FBN1: variants seen among roughly 807,000 people sequenced by gnomAD.
FBN1 encodes the protein fibrillin-1.
A neutral mutation model predicts 365.1 loss-of-function variants in FBN1; 29 were observed. That is an observed-to-expected ratio of 0.08 (90% CI 0.06 to 0.11). The LOEUF (loss-of-function observed/expected upper bound fraction) is 0.11, where lower values mean the gene tolerates loss of function less well. FBN1 is among the 10% of genes least tolerant of loss of function. The pLI is 1.00. For missense variants in FBN1, 2,476 were observed against 3,703.2 expected, an observed-to-expected ratio of 0.67 and a Z score of 8.60; for synonymous variants, 1,210 against 1,270.5, an observed-to-expected ratio of 0.95 and a Z score of 1.01.
At chr15:48,444,238 T>C (rs1470311385) in intron 49 of FBN1, among the ~76,000 whole-genome samples, 3 of 152,136 alleles carry the variant, frequency 2.0e-5, no homozygotes, top group African/African-American at 7.2e-5. Flanking sequence ...ACTTAAAAAA[T>C]GTAGTTCGGA....
Position 48,446,842 on chromosome 15 carries a change from T to A in FBN1, c.5672-20A>T. ...TTATGTCTAGTAGGAAGAAAGGCCA[T>A]AAAGAAACATAATTATAAGTAGAAA... On this transcript the variant is annotated intron_variant, in intron 46 of 65. Transcript: ENST00000316623. The A allele has an allele frequency of 6.8e-7, 1 of 1,475,266 alleles. No individual in the cohort carries two copies. Among genetic ancestry groups the A allele is most frequent in the East Asian group, 2.3e-5 (1 of 44,174 alleles). The allele number at this position is 1,475,266 out of a possible 1,614,324, so 91.4% of individuals were successfully genotyped here.
chr15:48,589,758 T>A (rs1435183126), intron 6 of FBN1, among the ~76,000 whole-genome samples: 3 of 151,848 alleles, frequency 2.0e-5, no homozygotes, highest in Non-Finnish European at 4.4e-5. Flanking sequence ...GGACTATAGG[T>A]GCCCACCACC....
intron 6 of FBN1, among the ~76,000 whole-genome samples, chr15:48,568,609 G>A (rs996391386): frequency 2.0e-5 from 3 of 152,028 alleles, no homozygotes; most frequent in Admixed American, 2.0e-4. Context: ...CAAAGCAACA[G>A]TAATCAAGAG....
chr15:48,441,904 C>A lies in FBN1; in HGVS notation c.6038-58G>T, dbSNP rs377058318. 8.8e-6 allele frequency: 14 copies of A among 1,591,330 alleles called. No individual in the cohort carries two copies. The East Asian group carries it at 1.1e-4, about 13-fold the overall frequency. On this transcript the variant is annotated intron_variant, in intron 49 of 65. Coordinates refer to ENST00000316623, the MANE Select transcript of FBN1 (RefSeq NM_000138.5). ...AACACGATGGAGACATCATCAGGTA[C>A]CAAACACACAATGTGGACACACAAA...
chr15:48,588,641 A>C (rs190941992), intron 6 of FBN1, among the ~76,000 whole-genome samples: 1 of 152,352 alleles, frequency 6.6e-6, no homozygotes, highest in African/African-American at 2.4e-5. Flanking sequence ...AACAGATGCC[A>C]CATTCTAAGT....
At chr15:48,531,349 C>T (rs1597590192) in intron 8 of FBN1, among the ~76,000 whole-genome samples, 2 of 152,034 alleles carry the variant, frequency 1.3e-5, no homozygotes, top group East Asian at 3.9e-4. Context: ...GAAAGCAACT[C>T]GAATAATGGC....
rs564421099 is a variant in FBN1 at position 48,483,236 on chromosome 15, T to C, written c.3838+582A>G. 2.6e-5 allele frequency among the ~76,000 whole-genome samples: 4 copies of C among 152,314 alleles called. No homozygotes were observed. The South Asian group carries it at 8.3e-4, about 32-fold the overall frequency. On this transcript the variant is annotated intron_variant, in intron 31 of 65. Coordinates refer to ENST00000316623, the MANE Select transcript of FBN1 (RefSeq NM_000138.5). ...TAAAAGTTGTTATAACTGTATTCCA[T>C]GTGTTCAAACAGCTAGAGGAATGAT...
intron 2 of FBN1, among the ~76,000 whole-genome samples, chr15:48,621,383 G>C (rs1351525646): frequency 6.6e-6 from 1 of 152,132 alleles, no homozygotes; most frequent in South Asian, 2.1e-4. Flanking sequence ...AATATTATGT[G>C]ATAAAAATGG....
chr15:48,613,129 AAAGAAG>A lies in FBN1; in HGVS notation c.165-43_165-38del, dbSNP rs386134232. 1.1e-5 allele frequency: 16 copies of A among 1,511,140 alleles called. No individual in the cohort carries two copies. The East Asian group carries it at 3.6e-4, about 34-fold the overall frequency. The allele number at this position is 1,511,140 out of a possible 1,614,324, so 93.6% of individuals were successfully genotyped here. A position where few individuals can be genotyped will look rare whatever the true frequency, so the allele number is the denominator to read the frequency against. ...ACAGAAGAATTCCATACTTTAAAAA[AAAGAAG>A]AAGAGGAAGAGATGGCCAAATAAAA... is the stretch of plus-strand genomic sequence containing the variant. On this transcript the variant is annotated intron_variant, in intron 2 of 65. Transcript: ENST00000316623.
In FBN1 at chr15:48,520,721, G is replaced by A. The variant is rs1374436710; in HGVS notation, c.1085C>T (p.Ala362Val). ...SITKMQCCCD[A>V]GRCWSPGVTV... ...GACCCCTGGAGACCAGCATCGGCCG[G>A]CATCACAGCAGCACTGCATTTTGGT... Residue 362 changes from alanine to valine, a missense_variant, in exon 10 of 66, where the codon GCC (alanine) becomes GTC (valine). Physicochemically the swap from Ala to Val is moderately conservative, Grantham distance 64. Around this residue, in one of 5 missense-constraint regions of FBN1, gnomAD observed 421 missense variants for 520.1 expected, o/e 0.81. Coordinates refer to ENST00000316623, the MANE Select transcript of FBN1 (RefSeq NM_000138.5). 1 of 1,614,144 alleles carries A rather than the reference G, an allele frequency of 6.2e-7. No individual in the cohort carries two copies. The highest frequency in any genetic ancestry group is 8.5e-7 in the Non-Finnish European group (1 of 1,180,036).
chr15:48,509,424 T>A (rs1434460716), intron 14 of FBN1, among the ~76,000 whole-genome samples: 1 of 147,960 alleles, frequency 6.8e-6, no homozygotes, highest in African/African-American at 2.4e-5. Context: ...ATATACATAT[T>A]TTAGATATAT....
chr15:48,497,042 A>C (rs1461781538), intron 19 of FBN1, among the ~76,000 whole-genome samples: 2 of 152,066 alleles, frequency 1.3e-5, no homozygotes, highest in African/African-American at 2.4e-5. Context: ...TAAGGAGCAA[A>C]TCATTTCAAG....
chr15:48,630,620 G>T (rs1889965842), intron 2 of FBN1, among the ~76,000 whole-genome samples: 1 of 150,042 alleles, frequency 6.7e-6, no homozygotes, highest in East Asian at 2.0e-4. Flanking sequence ...TTTATTTGAG[G>T]TTTATTTTTT....
chr15:48,634,944 A>C (rs1039036079), intron 2 of FBN1, among the ~76,000 whole-genome samples: 2 of 151,780 alleles, frequency 1.3e-5, no homozygotes. Flanking sequence ...CTTTATTAAT[A>C]AAGATATTAC....
At chr15:48,608,561 A>G (rs754491089) in intron 4 of FBN1, among the ~76,000 whole-genome samples, 2 of 152,210 alleles carry the variant, frequency 1.3e-5, no homozygotes, top group Non-Finnish European at 2.9e-5. Flanking sequence ...TTTAGACAAT[A>G]TTAGTGCAGA....
intron 19 of FBN1, among the ~76,000 whole-genome samples, chr15:48,496,575 G>A (rs186019358): frequency 1.8e-4 from 27 of 151,952 alleles, no homozygotes; most frequent in Admixed American, 7.2e-4. Flanking sequence ...TCATTTTGTC[G>A]AATTAAAAGG....
chr15:48,488,528 T>A (rs1242237544), intron 25 of FBN1, 35 bp from the exon 26 acceptor site: 1 of 1,607,714 alleles, frequency 6.2e-7, no homozygotes, highest in Admixed American at 1.7e-5. Context: ...CAAAATAAGT[T>A]TATGAGCAAG....
chr15:48,477,493 A>T (rs994532968), intron 32 of FBN1, among the ~76,000 whole-genome samples: 1 of 152,192 alleles, frequency 6.6e-6, no homozygotes, highest in Non-Finnish European at 1.5e-5. Context: ...GTATAAAAGC[A>T]TCTCCAAATA....
chr15:48,602,164 C>T (rs1162724500), intron 4 of FBN1, among the ~76,000 whole-genome samples: 3 of 152,146 alleles, frequency 2.0e-5, no homozygotes, highest in Admixed American at 2.0e-4. Context: ...AGTTCTCCCC[C>T]AAACCTGAAA....
Sources: gnomAD v4.1 joint callset for allele counts (sites outside exome capture counted in the v4.1 genomes callset) on GRCh38, gnomAD v4.1.1 for gene constraint, gnomAD v4.1.1 regional missense constraint, MANE v1.5 for transcripts, NCBI Gene and HGNC (gene_info 2026-07-23, HGNC 2026-07-21) for gene names.